COX7B2: variants seen among roughly 807,000 people sequenced by gnomAD.
COX7B2 encodes cytochrome c oxidase subunit 7B2, mitochondrial.
For missense variants in COX7B2, 109 were observed against 95.9 expected (o/e 1.14, Z -0.57); for synonymous variants, 37 against 32.1 (o/e 1.15, Z -0.51).
At chr4:46,794,933 T>A (rs1718243585) in intron 2 of COX7B2, among the ~76,000 whole-genome samples, 1 of 152,164 alleles carries the variant, frequency 6.6e-6, no homozygotes, top group Non-Finnish European at 1.5e-5. Flanking sequence ...TAACAGCCCC[T>A]CAGTGAATTC....
At chr4:46,751,314 A>C (rs1009716705) in intron 2 of COX7B2, among the ~76,000 whole-genome samples, 2 of 151,098 alleles carry the variant, frequency 1.3e-5, no homozygotes, top group African/African-American at 4.9e-5. Flanking sequence ...AAAAGCATAC[A>C]TATGAACTTG....
chr4:46,879,994 GA>G (rs1718610560), intron 1 of COX7B2, among the ~76,000 whole-genome samples: 1 of 152,074 alleles, frequency 6.6e-6, no homozygotes, highest in South Asian at 2.1e-4. Context: ...ATACTGTCTT[GA>G]ATAGAAGTGG....
At chr4:46,769,065 G>C (rs1454945148) in intron 2 of COX7B2, among the ~76,000 whole-genome samples, 5 of 151,848 alleles carry the variant, frequency 3.3e-5, no homozygotes, top group South Asian at 4.1e-4. Flanking sequence ...GAAAATCCTA[G>C]GATCTGATCA....
chr4:46,797,365 C>T (rs1296801730), intron 2 of COX7B2, among the ~76,000 whole-genome samples: 1 of 152,108 alleles, frequency 6.6e-6, no homozygotes. Flanking sequence ...TTTATGAAGG[C>T]CATGTGATTA....
chr4:46,777,101 T>A (rs1717193678), intron 2 of COX7B2, among the ~76,000 whole-genome samples: 1 of 152,128 alleles, frequency 6.6e-6, no homozygotes, highest in Non-Finnish European at 1.5e-5. Context: ...GTTAGTAAGC[T>A]CATGCCATGG....
chr4:46,850,317 C>T (rs541299899), intron 1 of COX7B2, among the ~76,000 whole-genome samples: 52 of 151,746 alleles, frequency 3.4e-4, no homozygotes, highest in African/African-American at 1.3e-3. Context: ...AAGATACAAG[C>T]CTCCTCCTAG....
rs761904309 is a variant in COX7B2 at position 46,905,814 on chromosome 4, CTTTTTTTT to C, written c.-105+3338_-105+3345del. ...TACCATCTCTGATAAGCATATATTT[CTTTTTTTT>C]TTTTTTTTTTTTTTTTTTGAGACGG... On this transcript the variant is annotated intron_variant, in intron 1 of 2. Coordinates refer to ENST00000355591, the MANE Select transcript of COX7B2 (RefSeq NM_130902.3). Among the ~76,000 whole-genome samples the C allele has an allele frequency of 3.9e-3, 278 of 71,676 alleles. 1 individual carries two copies. The East Asian group carries it at 0.055, about 14-fold the overall frequency. 47.0% of individuals were successfully genotyped at this position (71,676 alleles called of 152,430 possible).
chr4:46,758,917 A>G (rs1315658468), intron 2 of COX7B2, among the ~76,000 whole-genome samples: 2 of 152,178 alleles, frequency 1.3e-5, no homozygotes, highest in African/African-American at 4.8e-5. Flanking sequence ...CACTTTGCAG[A>G]AAACCACAAG....
intron 1 of COX7B2, among the ~76,000 whole-genome samples, chr4:46,846,720 T>C (rs1490853617): frequency 3.3e-5 from 5 of 152,048 alleles, no homozygotes; most frequent in African/African-American, 1.2e-4. Flanking sequence ...GTGTAGCTTT[T>C]ACTGGGAATA....
intron 2 of COX7B2, among the ~76,000 whole-genome samples, chr4:46,755,069 A>C (rs1158879335): frequency 1.3e-5 from 2 of 151,856 alleles, no homozygotes; most frequent in Non-Finnish European, 2.9e-5. Flanking sequence ...ATCCAACAGC[A>C]CATCAAAAAA....
At position 46,845,000 on chromosome 4, in the gene COX7B2, T is replaced by C. The variant is rs924688249; in HGVS notation, c.-90A>G. ...AGCTCAAATGCTCTCCTCAGAAAGT[T>C]TCAGATTCTGCTTCCTAAAAAAATG... On this transcript the variant is annotated 5_prime_UTR_variant, in exon 2 of 3. Coordinates refer to ENST00000355591, the MANE Select transcript of COX7B2 (RefSeq NM_130902.3). 1 of 151,938 alleles carries C rather than the reference T, an allele frequency of 6.6e-6. No homozygotes were observed. Among genetic ancestry groups the C allele is most frequent in the African/African-American group, 2.4e-5 (1 of 41,388 alleles). The allele number at this position is 151,938 out of a possible 1,614,324, so 9.4% of individuals were successfully genotyped here.
At chr4:46,806,722 G>GT (rs971663586) in intron 2 of COX7B2, among the ~76,000 whole-genome samples, 1 of 151,816 alleles carries the variant, frequency 6.6e-6, no homozygotes, top group East Asian at 1.9e-4. Context: ...CCACTACTCT[G>GT]TTTTTTTATC....
chr4:46,854,357 G>C (rs1272961347), intron 1 of COX7B2, among the ~76,000 whole-genome samples: 1 of 152,112 alleles, frequency 6.6e-6, no homozygotes, highest in Non-Finnish European at 1.5e-5. Flanking sequence ...CAGTAATCAA[G>C]AAAGCTGACA....
chr4:46,819,450 T>C (rs1315984655), intron 2 of COX7B2, among the ~76,000 whole-genome samples: 1 of 151,470 alleles, frequency 6.6e-6, no homozygotes, highest in East Asian at 1.9e-4. Flanking sequence ...GGGTGTCCAA[T>C]CTTTTGGCTT....
chr4:46,902,682 G>A (rs1352258815), intron 1 of COX7B2, among the ~76,000 whole-genome samples: 1 of 152,146 alleles, frequency 6.6e-6, no homozygotes. Context: ...TCATTCTACA[G>A]CCTGGCCAGC....
At chr4:46,845,505 A>G (rs887560514) in intron 1 of COX7B2, among the ~76,000 whole-genome samples, 3 of 152,138 alleles carry the variant, frequency 2.0e-5, no homozygotes, top group African/African-American at 7.2e-5. Flanking sequence ...TGAAAGGAAT[A>G]TATTTTTCAT....
intron 2 of COX7B2, among the ~76,000 whole-genome samples, chr4:46,773,259 G>A (rs1171346587): frequency 6.6e-6 from 1 of 152,138 alleles, no homozygotes; most frequent in Non-Finnish European, 1.5e-5. Flanking sequence ...GTCATGGGAA[G>A]GACCTGATGG....
chr4:46,806,425 A>T (rs1718998906), intron 2 of COX7B2, among the ~76,000 whole-genome samples: 1 of 152,066 alleles, frequency 6.6e-6, no homozygotes, highest in East Asian at 1.9e-4. Context: ...TTTTAAATAG[A>T]TTTTGCTTTG....
At chr4:46,764,373 C>T (rs1284233721) in intron 2 of COX7B2, among the ~76,000 whole-genome samples, 5 of 151,668 alleles carry the variant, frequency 3.3e-5, no homozygotes, top group East Asian at 1.9e-4. Context: ...GGCGAAACCT[C>T]GTCTCCACTA....
Sources: allele counts gnomAD v4.1 joint callset (sites outside exome capture counted in the v4.1 genomes callset), GRCh38; gene constraint gnomAD v4.1.1; transcripts MANE v1.5; gene names NCBI Gene and HGNC (gene_info 2026-07-23, HGNC 2026-07-21).